Variants in OR7C1 observed in about 807,000 individuals in gnomAD.
The protein encoded by OR7C1 is olfactory receptor family 7 subfamily C member 1, also known as olfactory receptor 7C1.
For missense variants in OR7C1, 324 were observed against 383.3 expected, an observed-to-expected ratio of 0.85 and a Z score of 1.29; for synonymous variants, 152 against 160.7, an observed-to-expected ratio of 0.95 and a Z score of 0.41.
intron 1 of OR7C1, among the ~76,000 whole-genome samples, chr19:14,832,260 C>T (rs2145086005): frequency 6.6e-6 from 1 of 152,158 alleles, no homozygotes; most frequent in African/African-American, 2.4e-5. Context: ...TGATTTACAC[C>T]TTATGACATT....
chr19:14,823,169 T>C (rs1250685518), intron 1 of OR7C1, among the ~76,000 whole-genome samples: 3 of 151,992 alleles, frequency 2.0e-5, no homozygotes, highest in Non-Finnish European at 2.9e-5. Flanking sequence ...TTTGCGTAAA[T>C]TGGTTGGGTG....
intron 1 of OR7C1, chr19:14,828,416 T>C: frequency 1.4e-6 from 1 of 705,560 alleles, no homozygotes; most frequent in South Asian, 2.0e-5. Context: ...GATTAGGAAC[T>C]CCTTCCCACT....
chr19:14,802,324 A>G (rs1159623770), intron 2 of OR7C1, among the ~76,000 whole-genome samples: 3 of 152,148 alleles, frequency 2.0e-5, no homozygotes, highest in Non-Finnish European at 4.4e-5. Flanking sequence ...GTTCGAGACC[A>G]GCCTGGGCGA....
chr19:14,819,705 A>G (rs1030184571), intron 1 of OR7C1, among the ~76,000 whole-genome samples: 11 of 152,226 alleles, frequency 7.2e-5, no homozygotes, highest in African/African-American at 2.7e-4. Flanking sequence ...TCATGTAAGC[A>G]TATTTTAATC....
intron 1 of OR7C1, chr19:14,825,508 CA>C (rs2044761484): frequency 6.6e-6 from 1 of 152,130 alleles, no homozygotes; most frequent in East Asian, 1.9e-4. Context: ...TTGCTTTAGC[CA>C]AAAGAATATG....
intron 2 of OR7C1, among the ~76,000 whole-genome samples, chr19:14,806,043 T>TA (rs2044665073): frequency 6.6e-6 from 1 of 151,762 alleles, no homozygotes; most frequent in African/African-American, 2.4e-5. Flanking sequence ...ATGATGGTAT[T>TA]ATACAATAAG....
exon 5 of OR7C1, chr19:14,798,623 TTTTATAAACTA>T (rs2044622800): frequency 6.6e-6 from 1 of 152,240 alleles, no homozygotes; most frequent in South Asian, 2.1e-4. Context: ...ATGCACAGGG[TTTTATAAACTA>T]GCTTGAGGAG....
intron 1 of OR7C1, among the ~76,000 whole-genome samples, chr19:14,830,626 C>T (rs1419620751): frequency 6.6e-6 from 1 of 152,076 alleles, no homozygotes; most frequent in African/African-American, 2.4e-5. Context: ...TTTAATTTAA[C>T]AATAGTATTT....
At chr19:14,816,983 T>C (rs192376116) in intron 1 of OR7C1, among the ~76,000 whole-genome samples, 1 of 152,014 alleles carries the variant, frequency 6.6e-6, no homozygotes, top group East Asian at 1.9e-4. Flanking sequence ...GGTTAGTAAG[T>C]TCCAGCAGTA....
exon 3 of OR7C1, chr19:14,800,644 A>G (rs569473478): frequency 6.5e-6 from 1 of 152,754 alleles, no homozygotes; most frequent in South Asian, 2.1e-4. Context: ...GCAGACACAA[A>G]CAAGCTGGGA....
intron 1 of OR7C1, among the ~76,000 whole-genome samples, chr19:14,820,800 G>A (rs2044737542): frequency 6.6e-6 from 1 of 152,208 alleles, no homozygotes; most frequent in Non-Finnish European, 1.5e-5. Flanking sequence ...ATGGTCTGGG[G>A]AGGTCTTTGC....
chr19:14,816,589 G>A (rs28409744), intron 1 of OR7C1, among the ~76,000 whole-genome samples: 95,133 of 152,026 alleles, frequency 0.63, 30,119 homozygotes, highest in African/African-American at 0.73. Context: ...GCCTTCAGCC[G>A]CAGACTGAAG....
At chr19:14,827,793 G>A (rs1406671500) in intron 1 of OR7C1, 3 of 1,614,066 alleles carry the variant, frequency 1.9e-6, no homozygotes, top group African/African-American at 2.7e-5. Context: ...AGCACTCATG[G>A]TCCAGGATGC....
At chr19:14,799,768 G>A in exon 5 of OR7C1, 6 of 1,613,932 alleles carry the variant, frequency 3.7e-6, no homozygotes, top group East Asian at 2.2e-5. Flanking sequence ...AGACGGCCAC[G>A]AAGCGGTCAT....
chr19:14,828,448 C>T (rs771578284), intron 1 of OR7C1: 10 of 627,638 alleles, frequency 1.6e-5, no homozygotes, highest in South Asian at 6.4e-5. Context: ...CTGAAGACAG[C>T]GTACATTCTG....
intron 2 of OR7C1, among the ~76,000 whole-genome samples, chr19:14,808,730 A>G (rs1002003183): frequency 7.9e-5 from 12 of 152,040 alleles, no homozygotes; most frequent in Non-Finnish European, 1.6e-4. Flanking sequence ...TATGCAATGT[A>G]TCTATGTAAC....
intron 1 of OR7C1, among the ~76,000 whole-genome samples, chr19:14,813,359 C>G (rs778075847): frequency 3.3e-5 from 5 of 151,868 alleles, no homozygotes; most frequent in Non-Finnish European, 7.4e-5. Flanking sequence ...TTGAGACCAT[C>G]CTGATCTAAC....
rs752369539 is a variant in OR7C1, at chr19:14,827,331, T to A, written c.-623+7743A>T. ...CCCTTTCATTGTTCCCCACAACAAATGTATTCCCAGAGCCCTCTTTATGTC... is the reference window on the plus strand; with the variant it reads ...CCCTTTCATTGTTCCCCACAACAAAAGTATTCCCAGAGCCCTCTTTATGTC... On this transcript the variant is annotated intron_variant, in intron 1 of 4. Transcript: ENST00000641666. The A allele has an allele frequency of 6.9e-6, 11 of 1,585,014 alleles. No homozygotes were observed. In the East Asian group the frequency reaches 2.5e-4, roughly 35 times the overall value.
At chr19:14,817,415 A>C (rs1224119006) in intron 1 of OR7C1, among the ~76,000 whole-genome samples, 1 of 152,246 alleles carries the variant, frequency 6.6e-6, no homozygotes, top group Non-Finnish European at 1.5e-5. Flanking sequence ...TGTAGAACAT[A>C]AATCTGGCTA....
Sources: allele counts gnomAD v4.1 joint callset (sites outside exome capture counted in the v4.1 genomes callset), GRCh38; gene constraint gnomAD v4.1.1; transcripts MANE v1.5; gene names NCBI Gene and HGNC (gene_info 2026-07-23, HGNC 2026-07-21).